FHOD3: variants seen among roughly 807,000 people sequenced by gnomAD.
FHOD3 encodes the protein formin homology 2 domain containing 3.
Under a neutral mutation model 173.0 loss-of-function variants are expected in FHOD3, and 90 were observed. The observed-to-expected ratio is 0.52, with a 90% CI of 0.44 to 0.62. The LOEUF (loss-of-function observed/expected upper bound fraction) is 0.62, where lower values mean the gene tolerates loss of function less well. Among genes scored for constraint, FHOD3 ranks in the 20% least tolerant of loss-of-function variants. FHOD3 has a pLI of 0.00. For synonymous variants in FHOD3, 828 were observed against 823.0 expected, an observed-to-expected ratio of 1.01 and a Z score of -0.10; for missense variants, 1,945 against 2,034.7, an observed-to-expected ratio of 0.96 and a Z score of 0.85.
intron 3 of FHOD3, among the ~76,000 whole-genome samples, chr18:36,429,628 A>C (rs1458110403): frequency 6.6e-6 from 1 of 152,224 alleles, no homozygotes; most frequent in East Asian, 1.9e-4. Context: ...TTGGAGAACT[A>C]ATCAGGAGAT....
intron 5 of FHOD3, among the ~76,000 whole-genome samples, chr18:36,535,230 A>G (rs2056948791): frequency 6.6e-6 from 1 of 152,164 alleles, no homozygotes; most frequent in South Asian, 2.1e-4. Flanking sequence ...CTAAGAGTGA[A>G]AATAGCATGC....
At chr18:36,573,029 G>A (rs549911408) in intron 5 of FHOD3, among the ~76,000 whole-genome samples, 17 of 151,958 alleles carry the variant, frequency 1.1e-4, no homozygotes, top group East Asian at 1.9e-4. Flanking sequence ...CTTCCATGAG[G>A]TAGGGGCTGC....
chr18:36,447,221 T>C (rs1337464920), intron 3 of FHOD3, among the ~76,000 whole-genome samples: 1 of 152,198 alleles, frequency 6.6e-6, no homozygotes, highest in African/African-American at 2.4e-5. Context: ...AAATGCAGTA[T>C]CTCATTCTCC....
intron 2 of FHOD3, among the ~76,000 whole-genome samples, chr18:36,356,282 C>G (rs963378607): frequency 1.3e-5 from 2 of 152,210 alleles, no homozygotes; most frequent in African/African-American, 4.8e-5. Flanking sequence ...TTAATGTCAA[C>G]TTACTTTTTG....
At chr18:36,485,265 CATGGTGTTAGA>C (rs2054136944) in intron 3 of FHOD3, among the ~76,000 whole-genome samples, 1 of 152,202 alleles carries the variant, frequency 6.6e-6, no homozygotes, top group African/African-American at 2.4e-5. Flanking sequence ...CCATGGTGAT[CATGGTGTTAGA>C]ATGGTATGCT....
At chr18:36,388,589 G>T (rs2048140452) in intron 3 of FHOD3, among the ~76,000 whole-genome samples, 1 of 152,180 alleles carries the variant, frequency 6.6e-6, no homozygotes, top group African/African-American at 2.4e-5. Context: ...GGTTGTGGAG[G>T]ATCTGTGTGG....
At chr18:36,312,744 G>A (rs2092288525) in intron 1 of FHOD3, among the ~76,000 whole-genome samples, 1 of 152,224 alleles carries the variant, frequency 6.6e-6, no homozygotes, top group Admixed American at 6.5e-5. Context: ...GTTTGAGAAA[G>A]TGTCAGTCAC....
At chr18:36,674,579 G>A (rs905999879) in intron 14 of FHOD3, among the ~76,000 whole-genome samples, 2 of 152,072 alleles carry the variant, frequency 1.3e-5, no homozygotes, top group African/African-American at 2.4e-5. Flanking sequence ...TGTCTGGTTG[G>A]ACTTTAAATT....
chr18:36,339,767 G>A (rs1054443411), intron 1 of FHOD3, among the ~76,000 whole-genome samples: 3 of 152,158 alleles, frequency 2.0e-5, no homozygotes, highest in East Asian at 3.9e-4. Flanking sequence ...GAGTATCCCC[G>A]TGCCTGAGAA....
At chr18:36,641,193 GA>G (rs1377834222) in intron 10 of FHOD3, among the ~76,000 whole-genome samples, 1 of 152,186 alleles carries the variant, frequency 6.6e-6, no homozygotes, top group Non-Finnish European at 1.5e-5. Flanking sequence ...GTCTCCTGGA[GA>G]AACAGAGCAG....
chr18:36,624,790 C>T (rs1314971882), intron 9 of FHOD3, among the ~76,000 whole-genome samples: 6 of 152,136 alleles, frequency 3.9e-5, no homozygotes, highest in Non-Finnish European at 7.3e-5. Flanking sequence ...CACAAATATG[C>T]GTCACTCTTA....
chr18:36,571,342 A>G (rs1397230483), intron 5 of FHOD3, among the ~76,000 whole-genome samples: 3 of 152,234 alleles, frequency 2.0e-5, no homozygotes, highest in Admixed American at 2.0e-4. Context: ...TATTGCATCT[A>G]TAGTTGAAAA....
Position 36,369,496 on chromosome 18 carries a change from C to CAT in FHOD3, c.273-3183_273-3182insTA, listed in dbSNP as rs1303201150. 4.6e-3 allele frequency among the ~76,000 whole-genome samples: 483 copies of CAT among 105,986 alleles called. 1 individual carries two copies. The highest frequency in any genetic ancestry group is 0.015 in the South Asian group (47 of 3,178). The allele number at this position is 105,986 out of a possible 152,430, so 69.5% of individuals were successfully genotyped here. A position where few individuals can be genotyped will look rare whatever the true frequency, so the allele number is the denominator to read the frequency against. On this transcript the variant is annotated intron_variant, in intron 2 of 28. Coordinates refer to ENST00000590592, the MANE Select transcript of FHOD3 (RefSeq NM_001281740.3). ...ACACACACACACACACACACACACA[C>CAT]ACATATATATAGAGAGAGAGAGAGA...
At chr18:36,645,004 G>A (rs536904042) in intron 10 of FHOD3, among the ~76,000 whole-genome samples, 3 of 152,332 alleles carry the variant, frequency 2.0e-5, no homozygotes, top group South Asian at 2.1e-4. Flanking sequence ...AATAACACCT[G>A]CAAACTCCTG....
At chr18:36,709,526 A>G (rs950586654) in intron 18 of FHOD3, 135 bp downstream of exon 18, 6 of 976,984 alleles carry the variant, frequency 6.1e-6, no homozygotes, top group Non-Finnish European at 8.9e-6. Flanking sequence ...TGTGTCACCC[A>G]GTGTCTGGGG....
intron 28 of FHOD3, among the ~76,000 whole-genome samples, chr18:36,772,637 G>C (rs894272109): frequency 6.6e-6 from 1 of 152,266 alleles, no homozygotes; most frequent in Non-Finnish European, 1.5e-5. Flanking sequence ...GCCCACACAT[G>C]CCGAACGTCC....
intron 1 of FHOD3, among the ~76,000 whole-genome samples, chr18:36,347,145 A>G (rs551351851): frequency 6.6e-6 from 1 of 152,352 alleles, no homozygotes; most frequent in South Asian, 2.1e-4. Context: ...CAGTGATAAT[A>G]ATAATCCTGA....
intron 26 of FHOD3, among the ~76,000 whole-genome samples, chr18:36,760,137 C>G (rs773637721): frequency 5.3e-5 from 8 of 152,174 alleles, no homozygotes; most frequent in Non-Finnish European, 1.2e-4. Context: ...TTGAATCCCA[C>G]TTTTGTAATT....
At chr18:36,522,956 T>A (rs1476301187) in intron 5 of FHOD3, among the ~76,000 whole-genome samples, 1 of 152,254 alleles carries the variant, frequency 6.6e-6, no homozygotes, top group Non-Finnish European at 1.5e-5. Flanking sequence ...GTCTTTGCTT[T>A]CTTTACCCTG....
Sources: gnomAD v4.1 joint callset for allele counts (sites outside exome capture counted in the v4.1 genomes callset) on GRCh38, gnomAD v4.1.1 for gene constraint, MANE v1.5 for transcripts, NCBI Gene and HGNC (gene_info 2026-07-23, HGNC 2026-07-21) for gene names.